LOXL3: variants seen among roughly 807,000 people sequenced by gnomAD.
LOXL3 encodes the protein lysyl oxidase like 3.
LOXL3 carries 60 observed loss-of-function variants against 91.8 expected under a neutral mutation model. The observed-to-expected ratio is 0.65, with a 90% CI of 0.53 to 0.81. LOXL3 has a LOEUF of 0.81. LOXL3 is among the 30% of genes least tolerant of loss of function. The pLI is 0.00. For synonymous variants in LOXL3, 355 were observed against 387.6 expected, an observed-to-expected ratio of 0.92 and a Z score of 0.99; for missense variants, 874 against 1,000.4, an observed-to-expected ratio of 0.87 and a Z score of 1.70.
intron 2 of LOXL3, among the ~76,000 whole-genome samples, chr2:74,550,967 C>G (rs1457195584): frequency 6.6e-6 from 1 of 151,526 alleles, no homozygotes; most frequent in Non-Finnish European, 1.5e-5. Flanking sequence ...AAGTCTTGCC[C>G]TGTTGCCTAG....
At chr2:74,541,294 G>A (rs1676311844) in intron 4 of LOXL3, among the ~76,000 whole-genome samples, 1 of 152,134 alleles carries the variant, frequency 6.6e-6, no homozygotes, top group Non-Finnish European at 1.5e-5. Context: ...GGTATCCTTG[G>A]GAGATCCTAG....
chr2:74,540,196 G>A (rs1484947072), intron 4 of LOXL3, among the ~76,000 whole-genome samples: 2 of 152,172 alleles, frequency 1.3e-5, no homozygotes, highest in Non-Finnish European at 2.9e-5. Context: ...ATGACCAGGT[G>A]GGTGAGCAGA....
In LOXL3 at chr2:74,533,915, C is replaced by T; in HGVS notation, c.2155G>A (p.Gly719Arg). ...CAGTTGTGCACCCAGATTCTATGTC[C>T]ATCATATTTGCAGTTACATTTCATT... ...NAMKCNCKYD[G>R]HRIWVHNCHI... Residue 719 changes from glycine to arginine, a missense_variant, in exon 13 of 14, where the codon GGA (glycine) becomes AGA (arginine). Transcript: ENST00000264094. The T allele has an allele frequency of 6.2e-7, 1 of 1,614,116 alleles. No individual in the cohort carries two copies. The highest frequency in any genetic ancestry group is 8.5e-7 in the Non-Finnish European group (1 of 1,179,994).
At chr2:74,545,809 A>C (rs1558625984) in intron 4 of LOXL3, among the ~76,000 whole-genome samples, 1 of 152,074 alleles carries the variant, frequency 6.6e-6, no homozygotes, top group African/African-American at 2.4e-5. Flanking sequence ...CTGTCTTTTA[A>C]ATTTACATTC....
chr2:74,538,383 A>G (rs1676140256), intron 4 of LOXL3, among the ~76,000 whole-genome samples: 1 of 152,202 alleles, frequency 6.6e-6, no homozygotes, highest in African/African-American at 2.4e-5. Context: ...AATGAGGGCT[A>G]TGAGGGGACC....
chr2:74,535,800 A>G lies in LOXL3; in HGVS notation c.1249-45T>C. 1 of 1,522,398 alleles carries G rather than the reference A, an allele frequency of 6.6e-7. No homozygotes were observed. The highest frequency in any genetic ancestry group is 8.8e-7 in the Non-Finnish European group (1 of 1,140,342). 94.3% of individuals were successfully genotyped at this position (1,522,398 alleles called of 1,614,324 possible). A position where few individuals can be genotyped will look rare whatever the true frequency, so the allele number is the denominator to read the frequency against. ...AAGCGCTGGAGAAAGCTTTGGGGTG[A>G]GGTAGTGGGAGTCTCTAACAGATGT... On this transcript the variant is annotated intron_variant, in intron 7 of 13. Transcript: ENST00000264094. The surrounding 1 kb of genome is among the most constrained non-coding windows in gnomAD (Gnocchi z 4.2).
Position 74,533,515 on chromosome 2 carries a change from G to T in LOXL3, c.*91C>A. On this transcript the variant is annotated 3_prime_UTR_variant, in exon 14 of 14. Coordinates refer to ENST00000264094, the MANE Select transcript of LOXL3 (RefSeq NM_032603.5). Reference sequence around the variant, plus strand: ...GCATGGTCTGATGAGTGCGGTTGCTGACATGGGTTTCTTGGTAAGCTCCTG... The same window carrying T: ...GCATGGTCTGATGAGTGCGGTTGCTTACATGGGTTTCTTGGTAAGCTCCTG... 2 of 1,178,920 alleles carry T rather than the reference G, an allele frequency of 1.7e-6. No homozygotes were observed. The highest frequency in any genetic ancestry group is 2.3e-5 in the East Asian group (1 of 42,736). 73.0% of individuals were successfully genotyped at this position (1,178,920 alleles called of 1,614,324 possible).
At chr2:74,552,250 C>A in intron 2 of LOXL3, 72 bp downstream of exon 2, 2 of 1,420,698 alleles carry the variant, frequency 1.4e-6, no homozygotes, top group Non-Finnish European at 1.9e-6. Flanking sequence ...GCTGTGCCAT[C>A]CTCGTGTTCC....
Position 74,535,716 on chromosome 2 carries a change from C to T in LOXL3, c.1288G>A (p.Val430Ile). 2 of 1,598,044 alleles carry T rather than the reference C, an allele frequency of 1.3e-6. No homozygotes were observed. The highest frequency in any genetic ancestry group is 1.7e-6 in the Non-Finnish European group (2 of 1,174,616). Residue 430 changes from valine to isoleucine, a missense_variant, in exon 8 of 14, where the codon GTC becomes ATC. By Grantham distance (29) the Val-to-Ile change is conservative (BLOSUM62 3). Transcript: ENST00000264094. This position sits in a 1 kb window ranked among gnomAD's most constrained non-coding sequence, Gnocchi z 4.2. ...SGGRSQHEGR[V>I]EVQIGGPGPL... ...CCAGGTCCCCCTATTTGCACCTCGA[C>T]TCGCCCCTCATGTTGGCTGCGGCCC... is the stretch of plus-strand genomic sequence containing the variant.
chr2:74,552,662 A>G lies in LOXL3; in HGVS notation c.-12-16T>C, dbSNP rs1677093328. The G allele has an allele frequency of 6.6e-7, 1 of 1,507,106 alleles. No individual in the cohort carries two copies. The highest frequency in any genetic ancestry group is 2.2e-5 in the Admixed American group (1 of 46,350). The allele number at this position is 1,507,106 out of a possible 1,614,324, so 93.4% of individuals were successfully genotyped here. On this transcript the variant is annotated splice_polypyrimidine_tract_variant and intron_variant, in intron 1 of 13. Coordinates refer to ENST00000264094, the MANE Select transcript of LOXL3 (RefSeq NM_032603.5). ...CAGGGAAGGCCTGGGTGCCCCAGAG[A>G]CAAAGTGTGCGTGAGAGAAACAGAT...
intron 4 of LOXL3, among the ~76,000 whole-genome samples, chr2:74,541,330 G>A (rs1676313514): frequency 6.6e-6 from 1 of 152,148 alleles, no homozygotes; most frequent in Non-Finnish European, 1.5e-5. Context: ...GTTACTGAGG[G>A]ATGACTGTTT....
chr2:74,536,000 GTC>G lies in LOXL3; in HGVS notation c.1242_1243del (p.Glu414AspfsTer13). On this transcript the variant is annotated frameshift_variant, in exon 7 of 14. Transcript: ENST00000264094. LOFTEE classifies it high-confidence loss of function. The surrounding 1 kb of genome is among the most constrained non-coding windows in gnomAD (Gnocchi z 4.2). ...AAGGTAGAGAGGATGACTGACCCTG[GTC>G]TCTGCCCCAGTGTAAGGTAGGTTGC... 6.4e-7 allele frequency: 1 copy of G among 1,570,808 alleles called. No individual in the cohort carries two copies. The highest frequency in any genetic ancestry group is 1.7e-4 in the Middle Eastern group (1 of 5,806).
chr2:74,549,778 T>G lies in LOXL3; in HGVS notation c.478-195A>C. 2.1e-6 allele frequency: 3 copies of G among 1,424,892 alleles called. No homozygotes were observed. The highest frequency in any genetic ancestry group is 2.7e-6 in the Non-Finnish European group (3 of 1,092,238). 88.3% of individuals were successfully genotyped at this position (1,424,892 alleles called of 1,614,324 possible). On this transcript the variant is annotated intron_variant, in intron 3 of 13. Transcript: ENST00000264094. The surrounding 1 kb of genome is among the most constrained non-coding windows in gnomAD (Gnocchi z 5.3). ...CTTGCAGCCAGCAGCGCGTGGGATGTGCTGTGCTCCCAGAGAGGATTCAGG... is the reference window on the plus strand; with the variant it reads ...CTTGCAGCCAGCAGCGCGTGGGATGGGCTGTGCTCCCAGAGAGGATTCAGG...
Position 74,534,218 on chromosome 2 carries a change from T to A in LOXL3, c.1958A>T (p.Glu653Val). The change falls in exon 12 of 14, where the codon GAG becomes GTG. Residue 653 changes from glutamate to valine, a missense_variant. Glu to Val is a moderately radical substitution (Grantham distance 121, BLOSUM62 -2). Transcript: ENST00000264094. ...ECQEDVSKRY[E>V]CANFGEQGIT... ...GCCTTGCTCTCCAAAGTTGGCACAC[T>A]CATACCGCTTGGAGACATCTGGAGG... The A allele has an allele frequency of 6.2e-7, 1 of 1,614,142 alleles. No individual in the cohort carries two copies. Among genetic ancestry groups the A allele is most frequent in the Non-Finnish European group, 8.5e-7 (1 of 1,180,026 alleles).
chr2:74,534,282 G>C (rs938803949), intron 11 of LOXL3, 34 bp downstream of exon 11: 2 of 1,614,138 alleles, frequency 1.2e-6, no homozygotes, highest in Non-Finnish European at 1.7e-6. Context: ...CTGTGCAATG[G>C]ATACCATGTG....
chr2:74,543,392 T>A (rs1676426230), intron 4 of LOXL3, among the ~76,000 whole-genome samples: 1 of 152,076 alleles, frequency 6.6e-6, no homozygotes, highest in Admixed American at 6.6e-5. Flanking sequence ...GATCTGAAAG[T>A]AATCTGAAAT....
chr2:74,554,866 G>C (rs1192503071), upstream of LOXL3: 1 of 1,607,848 alleles, frequency 6.2e-7, no homozygotes, highest in African/African-American at 1.3e-5. This position sits in a 1 kb window ranked among gnomAD's most constrained non-coding sequence, Gnocchi z 4.9. Context: ...GTGGGTGAGA[G>C]AGCCCAGAAA....
chr2:74,533,925 G>A lies in LOXL3; in HGVS notation c.2145C>T (p.Cys715=). ...DFTNNAMKCN[C]KYDGHRIWVH... ...CCCAGATTCTATGTCCATCATATTT[G>A]CAGTTACATTTCATTGCATTGTTGG... is the stretch of plus-strand genomic sequence containing the variant. Residue 715 remains cysteine (C), a synonymous_variant, in exon 13 of 14, where the codon TGC becomes TGT. Transcript: ENST00000264094. The A allele has an allele frequency of 6.2e-7, 1 of 1,614,110 alleles. No homozygotes were observed.
chr2:74,548,853 G>A (rs1573023775), intron 4 of LOXL3, among the ~76,000 whole-genome samples: 1 of 151,802 alleles, frequency 6.6e-6, no homozygotes, highest in East Asian at 2.0e-4. Flanking sequence ...GTTCACATAC[G>A]CGCCCCGCCC....
Sources: allele counts gnomAD v4.1 joint callset (sites outside exome capture counted in the v4.1 genomes callset), GRCh38; gene constraint gnomAD v4.1.1; non-coding constraint Gnocchi (gnomAD v3.1); transcripts MANE v1.5; gene names NCBI Gene and HGNC (gene_info 2026-07-23, HGNC 2026-07-21).